Variants in ZDHHC15 observed in about 807,000 individuals in gnomAD.
ZDHHC15 encodes the protein zDHHC palmitoyltransferase 15, also known as palmitoyltransferase ZDHHC15.
In ZDHHC15, 19 loss-of-function variants were observed where a neutral mutation model predicts 31.7. That is an observed-to-expected ratio of 0.60 (90% CI 0.42 to 0.88). The LOEUF (loss-of-function observed/expected upper bound fraction) is 0.88, where lower values mean the gene tolerates loss of function less well. Ranked by LOEUF, ZDHHC15 falls within the 40% of genes least tolerant of loss-of-function variation. ZDHHC15 has a pLI of 0.00. For missense variants in ZDHHC15, 209 were observed against 251.2 expected (o/e 0.83, Z 1.14); for synonymous variants, 103 against 90.0 (o/e 1.14, Z -0.82).
At chrX:75,507,141 G>A (rs1358806560) in intron 1 of ZDHHC15, among the ~76,000 whole-genome samples, 1 of 111,558 alleles carries the variant, frequency 9.0e-6, no homozygotes, top group Non-Finnish European at 1.9e-5. Context: ...AGAACCAATA[G>A]GTTAAAGCTG....
intron 4 of ZDHHC15, among the ~76,000 whole-genome samples, chrX:75,440,627 C>T (rs912129409): frequency 8.9e-6 from 1 of 112,348 alleles, no homozygotes; most frequent in Non-Finnish European, 1.9e-5. Context: ...TGGCCTCCAG[C>T]CAGGAGGTGG....
chrX:75,413,679 C>A (rs1441204898), intron 10 of ZDHHC15, among the ~76,000 whole-genome samples: 13 of 106,501 alleles, frequency 1.2e-4, no homozygotes, highest in African/African-American at 1.4e-4. Flanking sequence ...AAAAAAAAAA[C>A]AAACAACAAC....
chrX:75,408,664 C>T (rs1008885641), intron 10 of ZDHHC15, among the ~76,000 whole-genome samples: 1 of 112,146 alleles, frequency 8.9e-6, no homozygotes, highest in African/African-American at 3.2e-5. Context: ...CCAAGTTATC[C>T]TTGGTTGCAG....
At chrX:75,442,844 G>A (rs1163514100) in intron 4 of ZDHHC15, among the ~76,000 whole-genome samples, 1 of 108,210 alleles carries the variant, frequency 9.2e-6, no homozygotes, top group Admixed American at 9.8e-5. Flanking sequence ...AAATTAGCCG[G>A]GCACGGTGGC....
intron 10 of ZDHHC15, among the ~76,000 whole-genome samples, chrX:75,381,021 A>G (rs1452551906): frequency 9.0e-6 from 1 of 111,482 alleles, no homozygotes; most frequent in African/African-American, 3.3e-5. Context: ...AACAGAGCAA[A>G]TGACACAGTG....
At chrX:75,382,599 G>A (rs2083126146) in intron 10 of ZDHHC15, among the ~76,000 whole-genome samples, 2 of 112,370 alleles carry the variant, frequency 1.8e-5, no homozygotes, top group African/African-American at 3.2e-5. Context: ...GATGTGTTAA[G>A]AGGGAACAAG....
chrX:75,444,648 A>G lies in ZDHHC15; in HGVS notation c.379+6154T>C, dbSNP rs1459176665. Among the ~76,000 whole-genome samples the G allele has an allele frequency of 2.8e-3, 10 of 3,576 alleles. No homozygotes were observed. The Non-Finnish European group carries it at 0.03, about 11-fold the overall frequency. The allele number at this position is 3,576 out of a possible 115,157, so 3.1% of individuals were successfully genotyped here. A position where few individuals can be genotyped will look rare whatever the true frequency, so the allele number is the denominator to read the frequency against. On this transcript the variant is annotated intron_variant, in intron 4 of 11. Coordinates refer to ENST00000373367, the MANE Select transcript of ZDHHC15 (RefSeq NM_144969.3). ...AAGAAAAAAGCAACACTGTATATAT[A>G]TATATATATATATATATATATATAT...
At chrX:75,492,430 C>A (rs1391540808) in intron 2 of ZDHHC15, among the ~76,000 whole-genome samples, 3 of 111,167 alleles carry the variant, frequency 2.7e-5, no homozygotes, top group East Asian at 5.7e-4. Context: ...ACCAAGCGGA[C>A]CTAATAGACA....
intron 11 of ZDHHC15, among the ~76,000 whole-genome samples, chrX:75,373,695 ATAG>A (rs1457003878): frequency 1.8e-5 from 2 of 110,873 alleles, no homozygotes; most frequent in Admixed American, 9.7e-5. Context: ...TTATGGGTAC[ATAG>A]TAGGTATATA....
At chrX:75,474,640 C>T (rs1024987949) in intron 3 of ZDHHC15, among the ~76,000 whole-genome samples, 1 of 44,675 alleles carries the variant, frequency 2.2e-5, no homozygotes, top group Non-Finnish European at 5.7e-5. Flanking sequence ...AGAACCCTGA[C>T]TAAAATATTC....
chrX:75,424,869 C>T, intron 7 of ZDHHC15, 85 bp from the exon 8 acceptor site: 5 of 981,190 alleles, frequency 5.1e-6, no homozygotes, highest in Non-Finnish European at 6.7e-6. Context: ...GTAGTTTTCA[C>T]ATGTATAAAG....
chrX:75,421,260 T>A (rs1404273147), intron 9 of ZDHHC15, among the ~76,000 whole-genome samples: 1 of 97,689 alleles, frequency 1.0e-5, no homozygotes, highest in Non-Finnish European at 2.0e-5. Flanking sequence ...TATATACTTA[T>A]GTTTTTAATC....
At chrX:75,415,586 C>T (rs992993036) in intron 10 of ZDHHC15, among the ~76,000 whole-genome samples, 1 of 111,914 alleles carries the variant, frequency 8.9e-6, no homozygotes, top group Non-Finnish European at 1.9e-5. Context: ...ATCAAGATAC[C>T]TTGACATGTG....
chrX:75,394,367 T>C (rs747535670), intron 10 of ZDHHC15, among the ~76,000 whole-genome samples: 1 of 110,256 alleles, frequency 9.1e-6, no homozygotes, highest in South Asian at 3.9e-4. Flanking sequence ...GCAAGCTCTT[T>C]TCAATAATAA....
intron 10 of ZDHHC15, among the ~76,000 whole-genome samples, chrX:75,416,122 T>A (rs2147831047): frequency 8.9e-6 from 1 of 112,154 alleles, no homozygotes; most frequent in African/African-American, 3.2e-5. Context: ...AATAACTGTT[T>A]TCTTTTTTAT....
At chrX:75,438,209 A>C (rs2083890245) in intron 4 of ZDHHC15, among the ~76,000 whole-genome samples, 1 of 111,820 alleles carries the variant, frequency 8.9e-6, no homozygotes, top group South Asian at 3.7e-4. Context: ...ACCATTGTGG[A>C]AGTCAGTGTG....
chrX:75,475,164 T>A (rs938096360), intron 3 of ZDHHC15, among the ~76,000 whole-genome samples: 1 of 112,723 alleles, frequency 8.9e-6, no homozygotes, highest in Admixed American at 9.4e-5. Flanking sequence ...ATTACTTATA[T>A]TTTCTGCTAT....
intron 4 of ZDHHC15, among the ~76,000 whole-genome samples, chrX:75,445,503 A>C (rs769098672): frequency 8.9e-6 from 1 of 112,260 alleles, no homozygotes; most frequent in Admixed American, 9.5e-5. Context: ...ATGACTGAAC[A>C]AAGTGCTAAA....
At chrX:75,498,731 A>T (rs1297922096) in intron 2 of ZDHHC15, among the ~76,000 whole-genome samples, 1 of 111,897 alleles carries the variant, frequency 8.9e-6, no homozygotes, top group Non-Finnish European at 1.9e-5. Context: ...TACAGATTCA[A>T]TGCAATTCCC....
Sources: gnomAD v4.1 joint callset for allele counts (sites outside exome capture counted in the v4.1 genomes callset) on GRCh38, gnomAD v4.1.1 for gene constraint, MANE v1.5 for transcripts, NCBI Gene and HGNC (gene_info 2026-07-23, HGNC 2026-07-21) for gene names.